Variants in PTPRD observed in about 807,000 individuals in gnomAD.
PTPRD encodes protein tyrosine phosphatase receptor type D.
In PTPRD, 34 loss-of-function variants were observed where a neutral mutation model predicts 214.5. The ratio of observed to expected loss-of-function variants is 0.16; its 90% CI spans 0.12 to 0.21. The LOEUF is 0.21. PTPRD is among the 10% of genes least tolerant of loss of function. The pLI is 1.00. For synonymous variants in PTPRD, 1,128 were observed against 845.7 expected, an observed-to-expected ratio of 1.33 and a Z score of -5.79; for missense variants, 2,545 against 2,398.7, an observed-to-expected ratio of 1.06 and a Z score of -1.27.
intron 2 of PTPRD, among the ~76,000 whole-genome samples, chr9:10,410,843 G>A (rs1159280265): frequency 4.6e-5 from 7 of 151,750 alleles, no homozygotes; most frequent in Admixed American, 2.0e-4. Context: ...ATATGAATGA[G>A]TGGTTAAGAC....
chr9:9,088,592 A>G (rs2099770988), intron 10 of PTPRD, among the ~76,000 whole-genome samples: 1 of 145,222 alleles, frequency 6.9e-6, no homozygotes. Flanking sequence ...AAAAAAAAAA[A>G]AAAAAAAAAA....
intron 12 of PTPRD, among the ~76,000 whole-genome samples, chr9:8,649,348 C>T (rs2096758417): frequency 6.6e-6 from 1 of 152,202 alleles, no homozygotes; most frequent in South Asian, 2.1e-4. Context: ...GTTATTACCA[C>T]AACTTACAAA....
intron 3 of PTPRD, among the ~76,000 whole-genome samples, chr9:10,237,138 G>A (rs1032783989): frequency 6.6e-6 from 1 of 151,764 alleles, no homozygotes; most frequent in Non-Finnish European, 1.5e-5. Flanking sequence ...TGCCGCTCTG[G>A]TGGGGGATGT....
chr9:8,787,541 A>T (rs528706288), intron 11 of PTPRD, among the ~76,000 whole-genome samples: 10 of 152,324 alleles, frequency 6.6e-5, no homozygotes, highest in Non-Finnish European at 1.3e-4. Context: ...ATTGGTTAAA[A>T]AAAAGATATT....
At chr9:8,776,425 C>G (rs776211608) in intron 11 of PTPRD, among the ~76,000 whole-genome samples, 28 of 152,052 alleles carry the variant, frequency 1.8e-4, no homozygotes, top group African/African-American at 6.5e-4. Flanking sequence ...ACTTAGCGTC[C>G]CAAGTAGCTG....
chr9:8,641,357 T>C (rs184859627), intron 12 of PTPRD, among the ~76,000 whole-genome samples: 1 of 148,478 alleles, frequency 6.7e-6, no homozygotes, highest in East Asian at 1.9e-4. Context: ...GCATTAGAAC[T>C]TTCCAGTCAC....
chr9:9,620,866 GAAA>G, intron 7 of PTPRD, among the ~76,000 whole-genome samples: 1 of 139,446 alleles, frequency 7.2e-6, no homozygotes, highest in African/African-American at 2.6e-5. Context: ...AAAGAGAGGA[GAAA>G]AAAAAAAAAA....
chr9:9,228,457 T>C (rs546505164), intron 9 of PTPRD, among the ~76,000 whole-genome samples: 2 of 152,244 alleles, frequency 1.3e-5, no homozygotes, highest in East Asian at 3.9e-4. Context: ...CATATATGCA[T>C]GTTGATATAT....
intron 35 of PTPRD, 52 bp from the exon 36 acceptor site, chr9:8,404,712 G>A (rs757673936): frequency 1.3e-6 from 2 of 1,553,354 alleles, no homozygotes; most frequent in Non-Finnish European, 8.8e-7. Context: ...AAAACCACCA[G>A]ATTATAGGCA....
At chr9:9,711,507 A>T (rs1595795222) in intron 7 of PTPRD, among the ~76,000 whole-genome samples, 1 of 152,312 alleles carries the variant, frequency 6.6e-6, no homozygotes, top group East Asian at 1.9e-4. Flanking sequence ...TAATAATTAT[A>T]ATTAGACTAC....
In PTPRD at chr9:8,484,609, G is replaced by T. The variant is rs113970433; in HGVS notation, c.3154-231C>A. ...AGTCTATCAAAAATACACAAAGATA[G>T]ATATATACATATATATATATAGAAA... On this transcript the variant is annotated intron_variant, in intron 29 of 45. Coordinates refer to ENST00000381196, the MANE Select transcript of PTPRD (RefSeq NM_002839.4). 3.0e-3 allele frequency among the ~76,000 whole-genome samples: 366 copies of T among 120,960 alleles called. 3 individuals carry two copies. Among genetic ancestry groups the T allele is most frequent in the African/African-American group, 0.012 (339 of 27,478 alleles). 79.4% of individuals were successfully genotyped at this position (120,960 alleles called of 152,430 possible).
intron 21 of PTPRD, among the ~76,000 whole-genome samples, chr9:8,517,357 C>A (rs2138398495): frequency 6.6e-6 from 1 of 152,244 alleles, no homozygotes; most frequent in Non-Finnish European, 1.5e-5. Context: ...CAGAGAAAAA[C>A]AGAAATTAAA....
chr9:9,013,220 G>A (rs986726705), intron 11 of PTPRD, among the ~76,000 whole-genome samples: 4 of 151,830 alleles, frequency 2.6e-5, no homozygotes, highest in Admixed American at 6.6e-5. Context: ...ACTGAACTCC[G>A]ATGAAGCGTT....
At chr9:10,181,384 A>G (rs1482375287) in intron 3 of PTPRD, among the ~76,000 whole-genome samples, 1 of 152,166 alleles carries the variant, frequency 6.6e-6, no homozygotes, top group African/African-American at 2.4e-5. Context: ...CCAAATTTAG[A>G]GAAATTCTGT....
chr9:9,348,727 C>G (rs147217851), intron 9 of PTPRD, among the ~76,000 whole-genome samples: 1 of 152,192 alleles, frequency 6.6e-6, no homozygotes, highest in African/African-American at 2.4e-5. Flanking sequence ...ATAACTTAAT[C>G]TCTGACATTA....
chr9:9,858,975 A>T (rs1239998060), intron 5 of PTPRD, among the ~76,000 whole-genome samples: 1 of 152,088 alleles, frequency 6.6e-6, no homozygotes, highest in African/African-American at 2.4e-5. Flanking sequence ...CCCAAATCTC[A>T]TCTCGAATAG....
At chr9:8,764,063 T>A (rs1007765105) in intron 11 of PTPRD, among the ~76,000 whole-genome samples, 3 of 152,228 alleles carry the variant, frequency 2.0e-5, no homozygotes, top group African/African-American at 7.2e-5. Context: ...TGTTAATTAC[T>A]TCAAAATGTG....
chr9:8,365,189 A>T (rs1034280780), intron 39 of PTPRD, among the ~76,000 whole-genome samples: 1 of 152,120 alleles, frequency 6.6e-6, no homozygotes, highest in Non-Finnish European at 1.5e-5. Flanking sequence ...GTGGTCTGAG[A>T]GTCTGGAAAT....
chr9:9,297,541 G>C (rs1953548805), intron 9 of PTPRD, among the ~76,000 whole-genome samples: 2 of 151,538 alleles, frequency 1.3e-5, no homozygotes, highest in South Asian at 4.1e-4. Context: ...AAGACATATA[G>C]ATTGGGAACA....
Sources: gnomAD v4.1 joint callset for allele counts (sites outside exome capture counted in the v4.1 genomes callset) on GRCh38, gnomAD v4.1.1 for gene constraint, MANE v1.5 for transcripts, NCBI Gene and HGNC (gene_info 2026-07-23, HGNC 2026-07-21) for gene names.